The following SNX25 variants were observed in gnomAD, a reference collection of about 807,000 sequenced individuals.
SNX25 encodes the protein sorting nexin-25.
Under a neutral mutation model 113.7 loss-of-function variants are expected in SNX25, and 62 were observed. The observed-to-expected ratio is 0.55, with a 90% CI of 0.44 to 0.67. The LOEUF is 0.67. Among genes scored for constraint, SNX25 ranks in the 30% least tolerant of loss-of-function variants. The pLI, the probability that SNX25 is intolerant of heterozygous loss-of-function variation, is 0.00. For synonymous variants in SNX25, 421 were observed against 436.2 expected (o/e 0.97, Z 0.43); for missense variants, 1,014 against 1,161.0 (o/e 0.87, Z 1.84).
intron 6 of SNX25, among the ~76,000 whole-genome samples, chr4:185,295,035 C>G (rs183993274): frequency 6.6e-6 from 1 of 152,220 alleles, no homozygotes. Flanking sequence ...GTCATTGTTT[C>G]TCAGATTGAC....
chr4:185,341,419 CA>C (rs944150919), intron 11 of SNX25, among the ~76,000 whole-genome samples: 2 of 152,296 alleles, frequency 1.3e-5, no homozygotes, highest in African/African-American at 4.8e-5. Flanking sequence ...CAAAGTAACA[CA>C]GGATGAGCCT....
chr4:185,275,042 C>T (rs1749466586), intron 5 of SNX25, among the ~76,000 whole-genome samples: 1 of 152,112 alleles, frequency 6.6e-6, no homozygotes, highest in African/African-American at 2.4e-5. Flanking sequence ...TCGGCTGGCA[C>T]TAAACCTTTG....
At chr4:185,329,609 T>C (rs376940973) in intron 9 of SNX25, among the ~76,000 whole-genome samples, 1 of 152,100 alleles carries the variant, frequency 6.6e-6, no homozygotes, top group African/African-American at 2.4e-5. Context: ...TGGATTAGTG[T>C]CCGATGTTGG....
At chr4:185,251,598 C>CGTGTGTGTGTGT (rs71593618) in intron 2 of SNX25, among the ~76,000 whole-genome samples, 5 of 147,164 alleles carry the variant, frequency 3.4e-5, no homozygotes, top group Non-Finnish European at 6.0e-5. Context: ...TATTCCATTG[C>CGTGTGTGTGTGT]GTGTGTGTGT....
chr4:185,376,302 G>T, the SNX25 span, among the ~76,000 whole-genome samples: 1 of 152,022 alleles, frequency 6.6e-6, no homozygotes, highest in African/African-American at 2.4e-5. Context: ...TTTTGAGAGG[G>T]AGTCTCGCTC....
At chr4:185,233,283 T>A (rs1742126889) in intron 1 of SNX25, among the ~76,000 whole-genome samples, 1 of 146,024 alleles carries the variant, frequency 6.8e-6, no homozygotes, top group African/African-American at 2.6e-5. Flanking sequence ...AGACTTAGTC[T>A]AAAAAAAAAA....
intron 3 of SNX25, among the ~76,000 whole-genome samples, 176 bp from the exon 4 acceptor site, chr4:185,264,262 C>G (rs561324817): frequency 2.3e-4 from 35 of 152,260 alleles, no homozygotes; most frequent in African/African-American, 8.2e-4. Flanking sequence ...CATGCATTTG[C>G]ATTTATTCTA....
At chr4:185,357,096 T>A (rs1445957447) in intron 15 of SNX25, among the ~76,000 whole-genome samples, 2 of 152,106 alleles carry the variant, frequency 1.3e-5, no homozygotes, top group African/African-American at 4.8e-5. Flanking sequence ...CCTCCTGCTA[T>A]GGGGGTGGCA....
intron 5 of SNX25, among the ~76,000 whole-genome samples, chr4:185,267,708 G>T (rs1326663903): frequency 6.6e-6 from 1 of 151,284 alleles, no homozygotes; most frequent in East Asian, 1.9e-4. Flanking sequence ...TCCAGCCTGG[G>T]TGACAGAGTG....
intron 2 of SNX25, among the ~76,000 whole-genome samples, chr4:185,252,023 C>T (rs1342935145): frequency 2.0e-5 from 3 of 149,996 alleles, no homozygotes; most frequent in African/African-American, 4.9e-5. Flanking sequence ...CTGTCCTTTG[C>T]TTTAAAGTGG....
At chr4:185,279,103 A>G (rs950857547) in intron 5 of SNX25, among the ~76,000 whole-genome samples, 1 of 151,448 alleles carries the variant, frequency 6.6e-6, no homozygotes, top group Non-Finnish European at 1.5e-5. Flanking sequence ...TATACTTAAT[A>G]TATTTCCAAA....
Position 185,267,007 on chromosome 4 carries a change from T to G in SNX25, c.943T>G (p.Tyr315Asp), listed in dbSNP as rs1198494875. ...PVVELLSNPD[Y>D]INQMLLAQLA... ...AGTGGAGTTACTGAGTAATCCAGAT[T>G]ACATTAACCAAATGCTGCTTGCCCA... Residue 315 changes from tyrosine (Y) to aspartate (D), a missense_variant, in exon 5 of 19, where the codon TAC becomes GAC. Coordinates refer to ENST00000652585, the MANE Select transcript of SNX25 (RefSeq NM_001378034.2). The G allele has an allele frequency of 6.2e-7, 1 of 1,613,798 alleles. No homozygotes were observed. Among genetic ancestry groups the G allele is most frequent in the Non-Finnish European group, 8.5e-7 (1 of 1,179,862 alleles).
At chr4:185,248,789 T>C (rs1404045323) in intron 2 of SNX25, among the ~76,000 whole-genome samples, 1 of 152,226 alleles carries the variant, frequency 6.6e-6, no homozygotes, top group Non-Finnish European at 1.5e-5. Flanking sequence ...TCATTCAAAA[T>C]AGAGAACATT....
Position 185,344,963 on chromosome 4 carries a change from TGATACTACA to T in SNX25, c.2188-1571_2188-1563del, listed in dbSNP as rs1307871887. Among the ~76,000 whole-genome samples the T allele has an allele frequency of 3.3e-5, 5 of 152,190 alleles. No individual in the cohort carries two copies. In the East Asian group the frequency reaches 9.6e-4, roughly 29 times the overall value. ...TTTCCCCAGAGTTGTTGAGTAAAAT[TGATACTACA>T]GAAAAATGTGTTGTTTTCTCTGTGG... On this transcript the variant is annotated intron_variant, in intron 12 of 18. Coordinates refer to ENST00000652585, the MANE Select transcript of SNX25 (RefSeq NM_001378034.2).
rs1426599887 is a variant in SNX25, at chr4:185,241,473, AGGGAGAGGGAGACTGTG to A, written c.430-5807_430-5791del. 2.5e-3 allele frequency among the ~76,000 whole-genome samples: 227 copies of A among 91,780 alleles called. 17 individuals are homozygous for A. The highest frequency in any genetic ancestry group is 8.9e-3 in the East Asian group (17 of 1,918). The allele number at this position is 91,780 out of a possible 152,430, so 60.2% of individuals were successfully genotyped here. On this transcript the variant is annotated intron_variant, in intron 1 of 18. Transcript: ENST00000652585. ...GGCATCGGGGAGACCGTGGAAAGAGAGGGAGAGGGAGACTGTGGGGAGAGGGAGACCGTGGGGAGAGG... is the reference window on the plus strand; with the variant it reads ...GGCATCGGGGAGACCGTGGAAAGAGAGGGAGAGGGAGACCGTGGGGAGAGG...
chr4:185,216,322 G>GGTGCC (rs1415783587), intron 1 of SNX25, among the ~76,000 whole-genome samples: 42 of 152,010 alleles, frequency 2.8e-4, no homozygotes, highest in Non-Finnish European at 5.3e-4. Flanking sequence ...TGTGAACAGT[G>GGTGCC]ATTACACATA....
At chr4:185,261,090 T>TTCTG (rs1251246700) in intron 3 of SNX25, among the ~76,000 whole-genome samples, 2 of 150,700 alleles carry the variant, frequency 1.3e-5, no homozygotes, top group Admixed American at 6.6e-5. Flanking sequence ...GAGGACAGTA[T>TTCTG]TCTGTCTGTC....
chr4:185,341,349 C>T (rs1204010167), intron 11 of SNX25, among the ~76,000 whole-genome samples: 2 of 152,222 alleles, frequency 1.3e-5, no homozygotes, highest in African/African-American at 4.8e-5. Flanking sequence ...GTGCCCCCAT[C>T]CTTCTCTGAG....
intron 6 of SNX25, among the ~76,000 whole-genome samples, chr4:185,302,865 G>A (rs933903387): frequency 4.6e-5 from 7 of 152,148 alleles, no homozygotes; most frequent in Non-Finnish European, 7.4e-5. Flanking sequence ...TCCAGTGCCT[G>A]CTGTCCCTTC....
Sources: allele counts gnomAD v4.1 joint callset (sites outside exome capture counted in the v4.1 genomes callset), GRCh38; gene constraint gnomAD v4.1.1; transcripts MANE v1.5; gene names NCBI Gene and HGNC (gene_info 2026-07-23, HGNC 2026-07-21).